ADAMTSL3: variants seen among roughly 807,000 people sequenced by gnomAD.
ADAMTSL3 encodes ADAMTS-like protein 3.
In ADAMTSL3, 128 loss-of-function variants were observed where a neutral mutation model predicts 201.7. The observed-to-expected ratio is 0.63, with a 90% CI of 0.55 to 0.73. ADAMTSL3 has a LOEUF of 0.73. ADAMTSL3 is among the 30% of genes least tolerant of loss of function. The pLI, the probability that ADAMTSL3 is intolerant of heterozygous loss-of-function variation, is 0.00. For missense variants in ADAMTSL3, 1,990 were observed against 2,119.6 expected, an observed-to-expected ratio of 0.94 and a Z score of 1.20; for synonymous variants, 738 against 748.4, an observed-to-expected ratio of 0.99 and a Z score of 0.23.
intron 3 of ADAMTSL3, among the ~76,000 whole-genome samples, chr15:83,763,694 A>G (rs2062846390): frequency 6.6e-6 from 1 of 151,958 alleles, no homozygotes; most frequent in South Asian, 2.1e-4. Flanking sequence ...TTTAGTAGAG[A>G]CGAGGTTTCA....
intron 9 of ADAMTSL3, among the ~76,000 whole-genome samples, chr15:83,878,099 A>G (rs1283857826): frequency 6.6e-6 from 1 of 152,142 alleles, no homozygotes; most frequent in Non-Finnish European, 1.5e-5. Flanking sequence ...AAAATTTTTT[A>G]TAGATATTTT....
intron 2 of ADAMTSL3, 51 bp downstream of exon 2, chr15:83,655,881 C>T: frequency 1.3e-6 from 2 of 1,550,360 alleles, no homozygotes; most frequent in African/African-American, 1.4e-5. Context: ...CCTCTGTTTA[C>T]TCAGAGGCAT....
chr15:83,827,289 T>A (rs2064045794), intron 6 of ADAMTSL3, among the ~76,000 whole-genome samples: 1 of 152,236 alleles, frequency 6.6e-6, no homozygotes, highest in Admixed American at 6.5e-5. Context: ...CATGTGTCTG[T>A]TGGCTGTATA....
Position 83,899,660 on chromosome 15 carries a change from G to A in ADAMTSL3, c.1629G>A (p.Val543=), listed in dbSNP as rs769457267. The change falls in exon 15 of 30, where the codon GTG becomes GTA. Residue 543 remains valine, a synonymous_variant. Coordinates refer to ENST00000286744, the MANE Select transcript of ADAMTSL3 (RefSeq NM_207517.3). ...PCYKPKEKSP[V]EAKLPWLKQA... ...TCTTTTTCTTAGAAAAAAGTCCAGT[G>A]GAAGCAAAATTGCCTTGGCTGAAAC... 22 of 1,611,676 alleles carry A rather than the reference G, an allele frequency of 1.4e-5. No homozygotes were observed. The highest frequency in any genetic ancestry group is 1.8e-5 in the Non-Finnish European group (21 of 1,178,504).
At chr15:83,949,539 C>T (rs979832654) in intron 19 of ADAMTSL3, among the ~76,000 whole-genome samples, 5 of 152,074 alleles carry the variant, frequency 3.3e-5, no homozygotes, top group African/African-American at 4.8e-5. Flanking sequence ...AGTGAGATTT[C>T]TAGATCATAT....
chr15:83,687,005 A>G (rs182610355), intron 2 of ADAMTSL3, among the ~76,000 whole-genome samples: 1 of 151,408 alleles, frequency 6.6e-6, no homozygotes, highest in African/African-American at 2.5e-5. Context: ...AGTCTGGGCA[A>G]CACAGCAGGA....
At chr15:83,884,742 C>A (rs1382242194) in intron 9 of ADAMTSL3, among the ~76,000 whole-genome samples, 1 of 152,038 alleles carries the variant, frequency 6.6e-6, no homozygotes, top group South Asian at 2.1e-4. Context: ...TGTGAGCAAA[C>A]CCAAATCAAT....
intron 20 of ADAMTSL3, among the ~76,000 whole-genome samples, chr15:83,978,777 AT>A (rs758262054): frequency 5.9e-5 from 9 of 152,226 alleles, no homozygotes; most frequent in Non-Finnish European, 1.2e-4. Flanking sequence ...AGTGTGAGCA[AT>A]GGCCAAAGCA....
chr15:84,011,554 G>C (rs940206818), intron 23 of ADAMTSL3, among the ~76,000 whole-genome samples: 2 of 152,120 alleles, frequency 1.3e-5, no homozygotes, highest in South Asian at 4.1e-4. Context: ...TCAGTCTAAC[G>C]TACCTGCTAT....
At chr15:84,019,753 G>A (rs1211937149) in intron 25 of ADAMTSL3, among the ~76,000 whole-genome samples, 17 of 151,706 alleles carry the variant, frequency 1.1e-4, no homozygotes, top group Admixed American at 7.9e-4. Context: ...TGAGCCCGGC[G>A]CGGTGGTGCA....
intron 6 of ADAMTSL3, among the ~76,000 whole-genome samples, 172 bp from the exon 7 acceptor site, chr15:83,837,917 A>G (rs150220169): frequency 6.6e-6 from 1 of 152,310 alleles, no homozygotes; most frequent in African/African-American, 2.4e-5. Flanking sequence ...AATCATATAA[A>G]TGATACTATC....
intron 3 of ADAMTSL3, among the ~76,000 whole-genome samples, chr15:83,723,813 T>G (rs1293835587): frequency 6.6e-6 from 1 of 152,148 alleles, no homozygotes; most frequent in African/African-American, 2.4e-5. Context: ...TTTAAATGTA[T>G]TCTCCAGGCT....
At position 83,888,978 on chromosome 15, in the gene ADAMTSL3, A is replaced by T. The variant is rs183579144; in HGVS notation, c.1073-1131A>T. Among the ~76,000 whole-genome samples the T allele has an allele frequency of 3.4e-4, 52 of 152,318 alleles. No homozygotes were observed. In the Middle Eastern group the frequency reaches 0.014, roughly 40 times the overall value. The stretch of plus-strand genomic sequence containing the variant: ...GGCTTTGGGCATTTTTTCTTTCGTA[A>T]AGAGCTCATTCTAGTTTTGAAAAAT... On this transcript the variant is annotated intron_variant, in intron 10 of 29. Coordinates refer to ENST00000286744, the MANE Select transcript of ADAMTSL3 (RefSeq NM_207517.3).
chr15:83,794,600 A>C (rs2063393971), intron 4 of ADAMTSL3, among the ~76,000 whole-genome samples: 2 of 152,180 alleles, frequency 1.3e-5, no homozygotes, highest in Admixed American at 6.5e-5. Flanking sequence ...ATATTCTTGA[A>C]ATGACAGAAA....
chr15:83,728,112 T>C (rs753170588), intron 3 of ADAMTSL3, among the ~76,000 whole-genome samples: 10 of 152,088 alleles, frequency 6.6e-5, no homozygotes, highest in African/African-American at 9.6e-5. Flanking sequence ...TTTATCATTA[T>C]ATAATGACTT....
chr15:83,981,348 A>G (rs926311709), intron 20 of ADAMTSL3, among the ~76,000 whole-genome samples: 2 of 152,110 alleles, frequency 1.3e-5, no homozygotes, highest in Non-Finnish European at 2.9e-5. Flanking sequence ...AGCCAACCCC[A>G]TCTCTGTTCC....
In ADAMTSL3 at chr15:83,747,000, C is replaced by T. The variant is rs1026139897; in HGVS notation, c.190-26523C>T. 5.9e-5 allele frequency among the ~76,000 whole-genome samples: 9 copies of T among 152,142 alleles called. No individual in the cohort carries two copies. The South Asian group carries it at 1.5e-3, about 25-fold the overall frequency. The stretch of plus-strand genomic sequence containing the variant: ...TGCTATGGATTTTCTATGGGGAGTG[C>T]GAATAAAAGGATTAGAACTTAGAAC... On this transcript the variant is annotated intron_variant, in intron 3 of 29. Transcript: ENST00000286744.
intron 5 of ADAMTSL3, among the ~76,000 whole-genome samples, chr15:83,816,046 A>G (rs2063765541): frequency 6.6e-6 from 1 of 152,244 alleles, no homozygotes; most frequent in African/African-American, 2.4e-5. Flanking sequence ...GTGGGTTTTT[A>G]AGAGAATTTA....
At chr15:83,933,436 C>A (rs1325289374) in intron 17 of ADAMTSL3, among the ~76,000 whole-genome samples, 1 of 152,094 alleles carries the variant, frequency 6.6e-6, no homozygotes, top group African/African-American at 2.4e-5. Context: ...CCTTAAAAAG[C>A]ATTTAGTTTT....
Sources: allele counts gnomAD v4.1 joint callset (sites outside exome capture counted in the v4.1 genomes callset), GRCh38; gene constraint gnomAD v4.1.1; transcripts MANE v1.5; gene names NCBI Gene and HGNC (gene_info 2026-07-23, HGNC 2026-07-21).